The following CACNA1A variants were observed in gnomAD, a reference collection of about 807,000 sequenced individuals.
CACNA1A encodes the protein calcium voltage-gated channel subunit alpha1 A, also known as voltage-dependent P/Q-type calcium channel subunit alpha-1A.
CACNA1A carries 57 observed loss-of-function variants against 262.4 expected under a neutral mutation model. That is an observed-to-expected ratio of 0.22 (90% CI 0.18 to 0.27). The LOEUF is 0.27. Among genes scored for constraint, CACNA1A ranks in the 10% least tolerant of loss-of-function variants. The probability of loss-of-function intolerance (pLI) is 1.00; values close to 1 mark genes in which losing one functional copy is unlikely to be tolerated. For synonymous variants in CACNA1A, 1,431 were observed against 1,419.3 expected (o/e 1.01, Z -0.18); for missense variants, 2,526 against 3,562.8 (o/e 0.71, Z 7.41).
At chr19:13,465,709 G>A (rs549426500) in intron 1 of CACNA1A, among the ~76,000 whole-genome samples, 2 of 152,158 alleles carry the variant, frequency 1.3e-5, no homozygotes, top group Admixed American at 1.3e-4. Context: ...GGGTGGTCTT[G>A]AACACCTGGG....
Position 13,414,788 on chromosome 19 carries a change from T to C in CACNA1A, c.539+38088A>G, listed in dbSNP as rs567786980. Among the ~76,000 whole-genome samples, 14 of 152,036 alleles carry C rather than the reference T, an allele frequency of 9.2e-5. No homozygotes were observed. The South Asian group carries it at 2.9e-3, about 32-fold the overall frequency. ...GCCTGGGCAACACGGCGAAACTCCA[T>C]TTCTACCAAAAGTCCTAAAAAAAAT... On this transcript the variant is annotated intron_variant, in intron 3 of 46. Transcript: ENST00000360228.
intron 1 of CACNA1A, among the ~76,000 whole-genome samples, chr19:13,482,037 C>T (rs1486067852): frequency 1.3e-5 from 2 of 152,006 alleles, no homozygotes; most frequent in South Asian, 4.2e-4. Flanking sequence ...ATTTATCTCC[C>T]TTGGAGAACA....
chr19:13,392,903 T>C (rs2059734042), intron 3 of CACNA1A, among the ~76,000 whole-genome samples: 1 of 152,214 alleles, frequency 6.6e-6, no homozygotes, highest in Non-Finnish European at 1.5e-5. Context: ...CACGCCACCA[T>C]GCTCGGCTAA....
chr19:13,487,143 A>T (rs1229485288), intron 1 of CACNA1A, among the ~76,000 whole-genome samples: 2 of 151,750 alleles, frequency 1.3e-5, no homozygotes, highest in African/African-American at 4.8e-5. Flanking sequence ...ACTATCAAAC[A>T]CTCCCAGCAT....
intron 10 of CACNA1A, among the ~76,000 whole-genome samples, chr19:13,325,752 T>C (rs2058349716): frequency 2.0e-5 from 3 of 152,196 alleles, no homozygotes; most frequent in Admixed American, 2.0e-4. Context: ...CTTTTTAAAG[T>C]TATTATTCAT....
At chr19:13,337,551 C>G (rs907679415) in intron 6 of CACNA1A, among the ~76,000 whole-genome samples, 1 of 152,110 alleles carries the variant, frequency 6.6e-6, no homozygotes, top group African/African-American at 2.4e-5. Context: ...ATGGCAAAAC[C>G]TTTACATGTG....
At chr19:13,413,895 AAAAGAAAGAAAGAAAGAAAGAAAGAAAG>A (rs57341945) in intron 3 of CACNA1A, among the ~76,000 whole-genome samples, 10 of 119,222 alleles carry the variant, frequency 8.4e-5, no homozygotes, top group East Asian at 2.6e-4. Context: ...GAAAGAAAGA[AAAAGAAAGAAAGAAAGAAAGAAAGAAAG>A]AAAGAAAGAA....
Position 13,214,956 on chromosome 19 carries a change from A to G in CACNA1A, c.5732-348T>C, listed in dbSNP as rs974276500. ...GTAACTCAGTTTCTCCATCTGTGAA[A>G]TGGAGATGATAGCAAGAGTACTTGC... On this transcript the variant is annotated intron_variant, in intron 38 of 46. Coordinates refer to ENST00000360228, the MANE Select transcript of CACNA1A (RefSeq NM_001127222.2). This position sits in a 1 kb window ranked among gnomAD's most constrained non-coding sequence, Gnocchi z 4.1. The G allele has an allele frequency of 3.9e-6, 1 of 256,638 alleles. No homozygotes were observed. Among genetic ancestry groups the G allele is most frequent in the Non-Finnish European group, 7.6e-6 (1 of 131,778 alleles). The allele number at this position is 256,638 out of a possible 1,614,324, so 15.9% of individuals were successfully genotyped here. A position where few individuals can be genotyped will look rare whatever the true frequency, so the allele number is the denominator to read the frequency against.
intron 30 of CACNA1A, among the ~76,000 whole-genome samples, chr19:13,248,091 T>C (rs2056296304): frequency 6.6e-6 from 1 of 152,110 alleles, no homozygotes; most frequent in African/African-American, 2.4e-5. Context: ...CCTGTGTCAC[T>C]TCCTCTCTCC....
At chr19:13,314,970 A>G (rs2058096575) in intron 11 of CACNA1A, among the ~76,000 whole-genome samples, 1 of 152,150 alleles carries the variant, frequency 6.6e-6, no homozygotes, top group South Asian at 2.1e-4. Context: ...AGTTTCTGAG[A>G]TCTTGTTCCT....
chr19:13,310,911 C>T (rs961858417), intron 12 of CACNA1A, among the ~76,000 whole-genome samples: 2 of 152,010 alleles, frequency 1.3e-5, no homozygotes, highest in African/African-American at 4.8e-5. Context: ...CTTCCTCAGC[C>T]TCCCAAGTAG....
intron 9 of CACNA1A, among the ~76,000 whole-genome samples, chr19:13,332,606 G>C (rs772321450): frequency 2.0e-5 from 3 of 152,128 alleles, no homozygotes; most frequent in Non-Finnish European, 4.4e-5. Context: ...AATCTCGTGA[G>C]CTAGGGTATT....
intron 10 of CACNA1A, among the ~76,000 whole-genome samples, chr19:13,327,666 CG>C (rs1402981486): frequency 6.6e-6 from 1 of 151,680 alleles, no homozygotes; most frequent in Non-Finnish European, 1.5e-5. Context: ...CTCCGCCTCC[CG>C]GGTTCAAGTG....
chr19:13,317,156 G>C lies in CACNA1A; in HGVS notation c.1511C>G (p.Ala504Gly). 6.2e-7 allele frequency: 1 copy of C among 1,612,912 alleles called. No homozygotes were observed. Among genetic ancestry groups the C allele is most frequent in the East Asian group, 2.2e-5 (1 of 44,848 alleles). ...SLVALNTLCV[A>G]IVHYNQPEWL... The stretch of plus-strand genomic sequence containing the variant: ...CTCGGGCTGGTTGTAGTGAACAATA[G>C]CAACACACAGCGTGTTGAGAGCTAC... The change falls in exon 11 of 47, where the codon GCT becomes GGT. Residue 504 changes from alanine to glycine, a missense_variant. Around this residue, in one of 17 missense-constraint regions of CACNA1A, gnomAD observed 102 missense variants for 278.9 expected, o/e 0.37. Transcript: ENST00000360228.
At chr19:13,317,427 C>G in intron 10 of CACNA1A, 106 bp from the exon 11 acceptor site, 1 of 897,742 alleles carries the variant, frequency 1.1e-6, no homozygotes, top group East Asian at 2.7e-5. Context: ...CCATTAGTCT[C>G]TCCAGCAAGC....
intron 31 of CACNA1A, among the ~76,000 whole-genome samples, chr19:13,243,157 G>T (rs143646843): frequency 2.6e-5 from 4 of 152,378 alleles, no homozygotes; most frequent in Admixed American, 6.5e-5. Flanking sequence ...TGGAGCTCCA[G>T]CCCTCTCTAG....
intron 3 of CACNA1A, among the ~76,000 whole-genome samples, chr19:13,412,609 C>T (rs560785410): frequency 6.6e-6 from 1 of 151,920 alleles, no homozygotes; most frequent in Non-Finnish European, 1.5e-5. Context: ...TCCCGAGTAG[C>T]TGAGACTACA....
Position 13,323,005 on chromosome 19 carries a change from C to T in CACNA1A, c.1346-5684G>A, listed in dbSNP as rs138849482. ...AGCTACTCTAGGCTGGGCACAGTGT[C>T]TCACACCTGTAATCCCAGCACTTTG... On this transcript the variant is annotated intron_variant, in intron 10 of 46. Coordinates refer to ENST00000360228, the MANE Select transcript of CACNA1A (RefSeq NM_001127222.2). 4.1e-3 allele frequency among the ~76,000 whole-genome samples: 626 copies of T among 152,304 alleles called. 6 individuals carry two copies. The highest frequency in any genetic ancestry group is 0.015 in the African/African-American group (604 of 41,574).
chr19:13,348,484 C>G (rs1429697615), intron 6 of CACNA1A, among the ~76,000 whole-genome samples: 1 of 151,814 alleles, frequency 6.6e-6, no homozygotes, highest in Non-Finnish European at 1.5e-5. Context: ...AGGCAGATCA[C>G]TTGAGGTCAG....
Sources: gnomAD v4.1 joint callset for allele counts (sites outside exome capture counted in the v4.1 genomes callset) on GRCh38, gnomAD v4.1.1 for gene constraint, gnomAD v4.1.1 regional missense constraint, Gnocchi (gnomAD v3.1) non-coding constraint, MANE v1.5 for transcripts, NCBI Gene and HGNC (gene_info 2026-07-23, HGNC 2026-07-21) for gene names.